Variants in MYO16 observed in about 807,000 individuals in gnomAD.
MYO16 encodes myosin XVI.
In MYO16, 94 loss-of-function variants were observed where a neutral mutation model predicts 205.3. That is an observed-to-expected ratio of 0.46 (90% confidence interval 0.39 to 0.54). The LOEUF is 0.54. MYO16 is among the 20% of genes least tolerant of loss of function. MYO16 has a pLI of 0.00. For synonymous variants in MYO16, 988 were observed against 954.0 expected (o/e 1.04, Z -0.66); for missense variants, 2,315 against 2,387.5 (o/e 0.97, Z 0.63).
intron 21 of MYO16, among the ~76,000 whole-genome samples, chr13:109,006,999 T>C (rs1885408562): frequency 6.6e-6 from 1 of 151,938 alleles, no homozygotes; most frequent in Non-Finnish European, 1.5e-5. Flanking sequence ...GAGAAAGTGC[T>C]CCATGGAAGA....
chr13:108,584,105 C>G, the MYO16 span, among the ~76,000 whole-genome samples: 3 of 152,188 alleles, frequency 2.0e-5, no homozygotes, highest in South Asian at 2.1e-4. Context: ...AGGTGCCCAC[C>G]ACCACGCCCA....
chr13:108,957,383 C>CAAAAA (rs33954239), intron 16 of MYO16, among the ~76,000 whole-genome samples: 95 of 96,842 alleles, frequency 9.8e-4, no homozygotes, highest in African/African-American at 2.0e-3. Flanking sequence ...AACTCCATCT[C>CAAAAA]AAAAAAAAAA....
chr13:108,687,654 C>T (rs939212228), intron 2 of MYO16, among the ~76,000 whole-genome samples: 14 of 152,144 alleles, frequency 9.2e-5, no homozygotes, highest in Non-Finnish European at 1.6e-4. Flanking sequence ...ATTTGAACAA[C>T]GCACTTAACC....
intron 18 of MYO16, among the ~76,000 whole-genome samples, chr13:108,962,124 T>A (rs1030640180): frequency 3.3e-5 from 5 of 152,188 alleles, no homozygotes; most frequent in African/African-American, 9.7e-5. Context: ...TATCTTCACC[T>A]ATATCAAAGA....
intron 29 of MYO16, among the ~76,000 whole-genome samples, chr13:109,123,702 C>T (rs774938285): frequency 1.3e-5 from 2 of 152,146 alleles, no homozygotes; most frequent in Non-Finnish European, 2.9e-5. Flanking sequence ...CTGAAAAAAA[C>T]GCTTTCAGCA....
At chr13:108,973,318 AT>A (rs1364734794) in intron 20 of MYO16, among the ~76,000 whole-genome samples, 9 of 150,830 alleles carry the variant, frequency 6.0e-5, no homozygotes, top group African/African-American at 2.2e-4. Flanking sequence ...AACAGATCCT[AT>A]ACCAATGAAA....
chr13:108,723,346 G>C (rs1340067348), intron 3 of MYO16, among the ~76,000 whole-genome samples: 1 of 151,964 alleles, frequency 6.6e-6, no homozygotes, highest in East Asian at 1.9e-4. Flanking sequence ...AAGGGTAGAG[G>C]ATTTTTGTTT....
intron 32 of MYO16, among the ~76,000 whole-genome samples, chr13:109,161,645 G>T (rs768601274): frequency 6.6e-6 from 1 of 152,018 alleles, no homozygotes; most frequent in Non-Finnish European, 1.5e-5. Context: ...ACGTTAAGAA[G>T]GGCCTTTTCC....
In MYO16 at chr13:109,140,653, C is replaced by G. The variant is rs779936646; in HGVS notation, c.4441C>G (p.Leu1481Val). Residue 1481 changes from leucine (L) to valine (V), a missense_variant, in exon 32 of 35, where the codon CTG becomes GTG. Physicochemically the swap from Leu to Val is conservative, Grantham distance 32. Transcript: ENST00000457511. The surrounding 1 kb of genome is among the most constrained non-coding windows in gnomAD (Gnocchi z 8.0). ...SFLLHGASPP[L>V]LHRAPEDEAA... ...CCTGCTCCACGGCGCATCGCCGCCC[C>G]TGCTCCACCGCGCGCCGGAGGACGA... 1.3e-6 allele frequency: 2 copies of G among 1,502,352 alleles called. No individual in the cohort carries two copies. The highest frequency in any genetic ancestry group is 1.5e-5 in the African/African-American group (1 of 68,872). 93.1% of individuals were successfully genotyped at this position (1,502,352 alleles called of 1,614,324 possible). A position where few individuals can be genotyped will look rare whatever the true frequency, so the allele number is the denominator to read the frequency against.
At chr13:108,541,273 T>A in the MYO16 span, among the ~76,000 whole-genome samples, 1 of 151,752 alleles carries the variant, frequency 6.6e-6, no homozygotes, top group East Asian at 1.9e-4. Flanking sequence ...ACATTATACA[T>A]CTAAATTATG....
chr13:108,668,072 A>C (rs1024560045), intron 2 of MYO16, among the ~76,000 whole-genome samples: 2 of 152,210 alleles, frequency 1.3e-5, no homozygotes, highest in African/African-American at 2.4e-5. Flanking sequence ...GAAATGTTTT[A>C]AAATTTCTTG....
At chr13:109,002,326 TAATG>T (rs1334882865) in intron 21 of MYO16, among the ~76,000 whole-genome samples, 1 of 152,178 alleles carries the variant, frequency 6.6e-6, no homozygotes. Context: ...TTTCACTGAG[TAATG>T]AAAGTAAAGG....
In MYO16 at chr13:109,206,671, G is replaced by A; in HGVS notation, c.5478G>A (p.Trp1826Ter). ...ESVALQELLD[W>*]RRKLCEEGQD... is the part of the protein sequence containing the mutation. Reference sequence around the variant, plus strand: ...TGGCCCTGCAGGAACTCTTGGACTGGAGGAGAAAGCTCTGTGAGGAAGGAC... The same window carrying A: ...TGGCCCTGCAGGAACTCTTGGACTGAAGGAGAAAGCTCTGTGAGGAAGGAC... Residue 1826 changes from tryptophan (W) to a stop codon, truncating the protein, a stop_gained, in exon 35 of 35, where the codon TGG (tryptophan) becomes TGA (stop). Coordinates refer to ENST00000457511, the MANE Select transcript of MYO16 (RefSeq NM_001198950.3). LOFTEE classifies it high-confidence loss of function. 1 of 1,614,148 alleles carries A rather than the reference G, an allele frequency of 6.2e-7. No individual in the cohort carries two copies. Among genetic ancestry groups the A allele is most frequent in the Non-Finnish European group, 8.5e-7 (1 of 1,180,014 alleles).
intron 34 of MYO16, among the ~76,000 whole-genome samples, chr13:109,185,948 CT>C (rs918502663): frequency 1.3e-5 from 2 of 152,058 alleles, no homozygotes; most frequent in South Asian, 2.1e-4. Flanking sequence ...TGTGGTGGGA[CT>C]TTTTTTTCCA....
intron 3 of MYO16, among the ~76,000 whole-genome samples, chr13:108,724,650 C>A (rs768379215): frequency 1.3e-5 from 2 of 152,002 alleles, no homozygotes; most frequent in Non-Finnish European, 2.9e-5. Context: ...ACGCACGGTG[C>A]ATGTTATTTT....
rs151325128 is a variant in MYO16, at chr13:108,769,383, C to T, written c.508-16252C>T. ...TGGCCAGAATGGAGCACGCTAGAGGCTGGTGGAAGTGTGAAGTTCAGAGAG... is the reference window on the plus strand; with the variant it reads ...TGGCCAGAATGGAGCACGCTAGAGGTTGGTGGAAGTGTGAAGTTCAGAGAG... On this transcript the variant is annotated intron_variant, in intron 4 of 34. Transcript: ENST00000457511. 1.4e-3 allele frequency among the ~76,000 whole-genome samples: 219 copies of T among 152,120 alleles called. 1 individual carries two copies. Among genetic ancestry groups the T allele is most frequent in the Non-Finnish European group, 2.9e-3 (196 of 67,998 alleles).
At chr13:108,674,063 A>G (rs1594198023) in intron 2 of MYO16, among the ~76,000 whole-genome samples, 1 of 152,200 alleles carries the variant, frequency 6.6e-6, no homozygotes, top group African/African-American at 2.4e-5. Context: ...TGATCAATAT[A>G]CATTGAATGA....
chr13:109,113,778 AC>A (rs1313652754), intron 28 of MYO16, among the ~76,000 whole-genome samples: 1 of 152,094 alleles, frequency 6.6e-6, no homozygotes, highest in Non-Finnish European at 1.5e-5. Context: ...GGGAGAAATG[AC>A]CTGTGGAAAT....
Position 109,075,390 on chromosome 13 carries a change from T to TTTTTTC in MYO16, c.3335+19795_3335+19796insTTTTTC, listed in dbSNP as rs1156626628. On this transcript the variant is annotated intron_variant, in intron 27 of 34. Coordinates refer to ENST00000457511, the MANE Select transcript of MYO16 (RefSeq NM_001198950.3). ...TTTATACCAGCATTTCCTTTTTTTT[T>TTTTTTC]CTTTTTCTTTTTCTTTTGAGATGGA... Among the ~76,000 whole-genome samples the TTTTTTC allele has an allele frequency of 9.2e-5, 14 of 152,096 alleles. 1 individual carries two copies. The highest frequency in any genetic ancestry group is 2.9e-4 in the African/African-American group (12 of 41,474).
Sources: gnomAD v4.1 joint callset for allele counts (sites outside exome capture counted in the v4.1 genomes callset) on GRCh38, gnomAD v4.1.1 for gene constraint, Gnocchi (gnomAD v3.1) non-coding constraint, MANE v1.5 for transcripts, NCBI Gene and HGNC (gene_info 2026-07-23, HGNC 2026-07-21) for gene names.